MRPL48: variants seen among roughly 807,000 people sequenced by gnomAD.
MRPL48 encodes mitochondrial ribosomal protein L48, also known as large ribosomal subunit protein mL48.
Under a neutral mutation model 32.9 loss-of-function variants are expected in MRPL48, and 16 were observed. The observed-to-expected ratio is 0.49, with a 90% CI of 0.33 to 0.74. The LOEUF (loss-of-function observed/expected upper bound fraction) is 0.74, where lower values mean the gene tolerates loss of function less well. Among genes scored for constraint, MRPL48 ranks in the 30% least tolerant of loss-of-function variants. The probability of loss-of-function intolerance (pLI) is 0.02; values close to 1 mark genes in which losing one functional copy is unlikely to be tolerated. For synonymous variants in MRPL48, 94 were observed against 89.2 expected, an observed-to-expected ratio of 1.05 and a Z score of -0.31; for missense variants, 206 against 245.3, an observed-to-expected ratio of 0.84 and a Z score of 1.07.
intron 4 of MRPL48, among the ~76,000 whole-genome samples, chr11:73,838,020 T>A (rs1948133307): frequency 6.6e-6 from 1 of 152,084 alleles, no homozygotes. Context: ...CCTGGCTAAT[T>A]TTTTTGTATT....
intron 3 of MRPL48, among the ~76,000 whole-genome samples, chr11:73,825,174 C>A (rs1037381466): frequency 6.6e-6 from 1 of 151,422 alleles, no homozygotes; most frequent in Admixed American, 6.6e-5. Context: ...GAAGTTTTAA[C>A]TTTTTATATA....
chr11:73,857,711 C>T (rs940024364), intron 5 of MRPL48, among the ~76,000 whole-genome samples: 4 of 150,984 alleles, frequency 2.6e-5, no homozygotes, highest in Non-Finnish European at 4.4e-5. Context: ...TCTCCTGCCT[C>T]AGCCTCCTGC....
intron 5 of MRPL48, among the ~76,000 whole-genome samples, chr11:73,847,092 A>G (rs577443674): frequency 1.8e-4 from 28 of 151,504 alleles, no homozygotes; most frequent in Non-Finnish European, 2.9e-4. Flanking sequence ...TGGATTGTAT[A>G]GTAAGTTTAT....
At chr11:73,794,947 G>T (rs190572676) in intron 1 of MRPL48, among the ~76,000 whole-genome samples, 3 of 146,480 alleles carry the variant, frequency 2.0e-5, no homozygotes, top group Non-Finnish European at 4.5e-5. Context: ...GTCTTGCTCC[G>T]TCGCCCAGGC....
chr11:73,790,880 C>CTTT lies in MRPL48; in HGVS notation c.21+2909_21+2911dup, dbSNP rs71469471. Among the ~76,000 whole-genome samples the CTTT allele has an allele frequency of 3.5e-3, 299 of 86,368 alleles. 3 individuals carry two copies. The highest frequency in any genetic ancestry group is 4.4e-3 in the Non-Finnish European group (194 of 44,594). 56.7% of individuals were successfully genotyped at this position (86,368 alleles called of 152,430 possible). A position where few individuals can be genotyped will look rare whatever the true frequency, so the allele number is the denominator to read the frequency against. On this transcript the variant is annotated intron_variant, in intron 1 of 7. Transcript: ENST00000310614. ...CTAAGATCCCACTGCCTTTTCTGTT[C>CTTT]TTTTTTTTTTTTTTTTTTTTTTTGA...
At chr11:73,835,899 AAAT>A in intron 4 of MRPL48, among the ~76,000 whole-genome samples, 1 of 152,222 alleles carries the variant, frequency 6.6e-6, no homozygotes, top group South Asian at 2.1e-4. Flanking sequence ...CTCTGTCTCA[AAAT>A]AATAATAATT....
intron 4 of MRPL48, among the ~76,000 whole-genome samples, chr11:73,835,392 G>A (rs572438778): frequency 9.2e-5 from 14 of 151,774 alleles, no homozygotes; most frequent in East Asian, 7.8e-4. Context: ...CGCCTGCCTC[G>A]GCCTCCCAAA....
intron 3 of MRPL48, among the ~76,000 whole-genome samples, chr11:73,816,871 A>G (rs978478756): frequency 6.7e-6 from 1 of 149,974 alleles, no homozygotes; most frequent in Non-Finnish European, 1.5e-5. Flanking sequence ...TGTCGCCCAC[A>G]CTGGAGTGCA....
At chr11:73,846,688 A>G (rs1948296552) in intron 5 of MRPL48, among the ~76,000 whole-genome samples, 1 of 147,524 alleles carries the variant, frequency 6.8e-6, no homozygotes, top group African/African-American at 2.5e-5. Context: ...TCTTTTAGAG[A>G]CATGGTCTCT....
At chr11:73,800,740 G>T (rs1947345680) in intron 1 of MRPL48, among the ~76,000 whole-genome samples, 1 of 151,894 alleles carries the variant, frequency 6.6e-6, no homozygotes, top group Non-Finnish European at 1.5e-5. Flanking sequence ...ACATTTCCCA[G>T]AGCTGACCGG....
At chr11:73,831,130 G>A (rs1293015580) in intron 4 of MRPL48, among the ~76,000 whole-genome samples, 6 of 151,938 alleles carry the variant, frequency 3.9e-5, no homozygotes, top group African/African-American at 1.2e-4. Context: ...ATGAGCCACC[G>A]TGCCCAGCCT....
chr11:73,795,733 C>T (rs1947243929), intron 1 of MRPL48, among the ~76,000 whole-genome samples: 1 of 150,056 alleles, frequency 6.7e-6, no homozygotes, highest in Non-Finnish European at 1.5e-5. Context: ...GTCTCGATCT[C>T]CTGACCTCGT....
At chr11:73,824,782 C>G (rs536197661) in intron 3 of MRPL48, among the ~76,000 whole-genome samples, 2 of 152,038 alleles carry the variant, frequency 1.3e-5, no homozygotes, top group Non-Finnish European at 2.9e-5. Flanking sequence ...GATGAGAGCC[C>G]TCTGAGAATG....
At chr11:73,792,944 G>A (rs1947178635) in intron 1 of MRPL48, among the ~76,000 whole-genome samples, 1 of 152,190 alleles carries the variant, frequency 6.6e-6, no homozygotes, top group Non-Finnish European at 1.5e-5. Context: ...CAGAGATAAG[G>A]AAATGAGGTT....
intron 1 of MRPL48, among the ~76,000 whole-genome samples, chr11:73,799,328 G>A (rs535303713): frequency 6.6e-6 from 1 of 152,198 alleles, no homozygotes; most frequent in East Asian, 1.9e-4. Context: ...CCCCAGCCTG[G>A]GTGACAGAGC....
At chr11:73,841,590 ACT>A (rs951179528) in intron 4 of MRPL48, among the ~76,000 whole-genome samples, 1 of 152,176 alleles carries the variant, frequency 6.6e-6, no homozygotes, top group African/African-American at 2.4e-5. Context: ...ATGCAAAATA[ACT>A]CTATGGTTTC....
At chr11:73,806,056 A>C (rs986423528) in intron 2 of MRPL48, among the ~76,000 whole-genome samples, 1 of 151,734 alleles carries the variant, frequency 6.6e-6, no homozygotes, top group Non-Finnish European at 1.5e-5. Flanking sequence ...TTGCCTCCCA[A>C]CTGGTCTCCC....
At chr11:73,812,362 C>T (rs746804127) in intron 3 of MRPL48, among the ~76,000 whole-genome samples, 17 of 152,010 alleles carry the variant, frequency 1.1e-4, no homozygotes, top group Non-Finnish European at 2.1e-4. Context: ...GGTACACCAG[C>T]CATTTTCGTA....
intron 1 of MRPL48, among the ~76,000 whole-genome samples, chr11:73,788,758 C>T (rs1947096747): frequency 6.6e-6 from 1 of 152,090 alleles, no homozygotes; most frequent in African/African-American, 2.4e-5. Flanking sequence ...AGGCATGAGC[C>T]ACCGCGCCCT....
Sources: allele counts gnomAD v4.1 joint callset (sites outside exome capture counted in the v4.1 genomes callset), GRCh38; gene constraint gnomAD v4.1.1; transcripts MANE v1.5; gene names NCBI Gene and HGNC (gene_info 2026-07-23, HGNC 2026-07-21).